CACNA2D3: variants seen among roughly 807,000 people sequenced by gnomAD.
The protein encoded by CACNA2D3 is calcium voltage-gated channel auxiliary subunit alpha2delta 3.
Under a neutral mutation model 160.6 loss-of-function variants are expected in CACNA2D3, and 60 were observed. The observed-to-expected ratio is 0.37, with a 90% CI of 0.30 to 0.46. The LOEUF (loss-of-function observed/expected upper bound fraction) is 0.46. Among genes scored for constraint, CACNA2D3 ranks in the 20% least tolerant of loss-of-function variants. CACNA2D3 has a pLI of 1.00. For missense variants in CACNA2D3, 1,205 were observed against 1,365.0 expected (o/e 0.88, Z 1.85); for synonymous variants, 558 against 492.9 (o/e 1.13, Z -1.75).
chr3:54,521,912 C>T (rs1701652016), intron 5 of CACNA2D3, among the ~76,000 whole-genome samples: 1 of 152,160 alleles, frequency 6.6e-6, no homozygotes, highest in Non-Finnish European at 1.5e-5. Flanking sequence ...GTCTATTGAT[C>T]TATTTTTATG....
At chr3:54,864,539 C>T (rs1699359575) in intron 17 of CACNA2D3, among the ~76,000 whole-genome samples, 1 of 152,142 alleles carries the variant, frequency 6.6e-6, no homozygotes, top group Non-Finnish European at 1.5e-5. Flanking sequence ...GGATTACAGG[C>T]GCGAGCCACT....
At chr3:54,785,229 C>T (rs766466527) in intron 13 of CACNA2D3, among the ~76,000 whole-genome samples, 1 of 152,160 alleles carries the variant, frequency 6.6e-6, no homozygotes, top group Non-Finnish European at 1.5e-5. Context: ...TTATAAAATG[C>T]AGTGATTTTA....
chr3:54,710,202 C>T (rs868490198), intron 11 of CACNA2D3, among the ~76,000 whole-genome samples: 3 of 152,112 alleles, frequency 2.0e-5, no homozygotes, highest in Middle Eastern at 3.4e-3. Flanking sequence ...TAAGCAAACC[C>T]CAAATAAAAT....
intron 25 of CACNA2D3, among the ~76,000 whole-genome samples, chr3:54,895,370 T>C (rs1700164574): frequency 6.6e-6 from 1 of 152,136 alleles, no homozygotes; most frequent in East Asian, 1.9e-4. Flanking sequence ...AGTTAGGACA[T>C]GCTAGTACAA....
At chr3:55,073,978 G>GTT in intron 37 of CACNA2D3, 119 bp downstream of exon 37, 1 of 1,095,544 alleles carries the variant, frequency 9.1e-7, no homozygotes, top group Non-Finnish European at 1.4e-6. Context: ...CTTTCATTCA[G>GTT]TAAACTGAAT....
intron 2 of CACNA2D3, among the ~76,000 whole-genome samples, chr3:54,136,323 A>G (rs1290128922): frequency 6.6e-6 from 1 of 152,220 alleles, no homozygotes; most frequent in Non-Finnish European, 1.5e-5. Context: ...GAAGCCTCCA[A>G]CCTTCTCCTT....
chr3:54,297,464 G>A (rs1399434678), intron 2 of CACNA2D3, among the ~76,000 whole-genome samples: 1 of 152,060 alleles, frequency 6.6e-6, no homozygotes, highest in African/African-American at 2.4e-5. Flanking sequence ...AAGCGAGTCG[G>A]CATGCAGGGG....
intron 14 of CACNA2D3, among the ~76,000 whole-genome samples, chr3:54,835,346 G>A (rs75352828): frequency 7.9e-5 from 12 of 152,100 alleles, no homozygotes; most frequent in African/African-American, 2.7e-4. Context: ...ATATACATAC[G>A]AATCATTAAA....
intron 5 of CACNA2D3, among the ~76,000 whole-genome samples, chr3:54,522,932 A>AC (rs755665354): frequency 0.13 from 18,672 of 142,952 alleles, 1,398 homozygotes; most frequent in African/African-American, 0.22. Context: ...TTATTTATTT[A>AC]TTTACTTACT....
intron 13 of CACNA2D3, among the ~76,000 whole-genome samples, chr3:54,799,181 A>C (rs2106666152): frequency 6.6e-6 from 1 of 152,324 alleles, no homozygotes; most frequent in South Asian, 2.1e-4. Context: ...TATATATCAT[A>C]ACATAGCAGA....
chr3:54,816,733 C>A, intron 13 of CACNA2D3, 120 bp from the exon 14 acceptor site: 1 of 1,069,920 alleles, frequency 9.3e-7, no homozygotes, highest in Non-Finnish European at 1.4e-6. Flanking sequence ...CTCTTTTTCA[C>A]TTGTCTCCCC....
At chr3:55,073,735 G>A in intron 36 of CACNA2D3, 42 bp from the exon 37 acceptor site, 1 of 1,551,464 alleles carries the variant, frequency 6.4e-7, no homozygotes, top group Non-Finnish European at 8.9e-7. Context: ...ATGCAGAGTA[G>A]AAAAAAGCAA....
chr3:55,010,358 A>G lies in CACNA2D3; in HGVS notation c.2875+915A>G, dbSNP rs1405236835. Among the ~76,000 whole-genome samples, 3 of 152,124 alleles carry G rather than the reference A, an allele frequency of 2.0e-5. No individual in the cohort carries two copies. In the South Asian group the frequency reaches 6.2e-4, roughly 32 times the overall value. ...GACATGCAGTTGACCCGTATAAAAA[A>G]CCTGCATGTACCCTCCACACCTAAA... On this transcript the variant is annotated intron_variant, in intron 34 of 37. Transcript: ENST00000474759.
At position 55,009,369 on chromosome 3, in the gene CACNA2D3, T is replaced by C. The variant is rs771394332; in HGVS notation, c.2820-19T>C. ...CATGGATGACGAAGTAACATTGGGCTTTTCCACGATCTGTTTAGGTTCCTG... is the reference window on the plus strand; with the variant it reads ...CATGGATGACGAAGTAACATTGGGCCTTTCCACGATCTGTTTAGGTTCCTG... On this transcript the variant is annotated intron_variant, in intron 33 of 37. Transcript: ENST00000474759. 4.5e-5 allele frequency: 73 copies of C among 1,612,554 alleles called. No homozygotes were observed. Among genetic ancestry groups the C allele is most frequent in the Non-Finnish European group, 5.8e-5 (68 of 1,178,698 alleles).
At chr3:54,418,357 G>C (rs758265560) in intron 4 of CACNA2D3, among the ~76,000 whole-genome samples, 2 of 152,080 alleles carry the variant, frequency 1.3e-5, no homozygotes, top group Admixed American at 6.6e-5. Flanking sequence ...CTTTTGTCTT[G>C]TTCTACTTGA....
At chr3:54,899,660 C>A in intron 26 of CACNA2D3, 128 bp from the exon 27 acceptor site, 2 of 675,724 alleles carry the variant, frequency 3.0e-6, no homozygotes, top group Non-Finnish European at 5.2e-6. Context: ...CCTCAGAGGA[C>A]TCTGGGGCCT....
intron 3 of CACNA2D3, among the ~76,000 whole-genome samples, chr3:54,344,190 CCTCT>C (rs1389618408): frequency 6.6e-6 from 1 of 152,150 alleles, no homozygotes; most frequent in East Asian, 1.9e-4. Flanking sequence ...GTTCCCGCAG[CCTCT>C]CTCTCACCTC....
intron 2 of CACNA2D3, among the ~76,000 whole-genome samples, chr3:54,306,818 G>C (rs1258140914): frequency 6.6e-6 from 1 of 152,208 alleles, no homozygotes; most frequent in East Asian, 1.9e-4. Context: ...TACTGTGTGT[G>C]TTAATTTCCT....
intron 5 of CACNA2D3, among the ~76,000 whole-genome samples, chr3:54,560,108 G>A (rs186773743): frequency 3.7e-4 from 56 of 152,308 alleles, no homozygotes; most frequent in Admixed American, 7.2e-4. Context: ...CCCAGTAATG[G>A]GATTGCTGAG....
Sources: gnomAD v4.1 joint callset for allele counts (sites outside exome capture counted in the v4.1 genomes callset) on GRCh38, gnomAD v4.1.1 for gene constraint, MANE v1.5 for transcripts, NCBI Gene and HGNC (gene_info 2026-07-23, HGNC 2026-07-21) for gene names.